The following PSD2 variants were observed in gnomAD, a reference collection of about 807,000 sequenced individuals.
The protein encoded by PSD2 is PH and SEC7 domain-containing protein 2.
PSD2 carries 38 observed loss-of-function variants against 69.8 expected under a neutral mutation model. The observed-to-expected ratio is 0.54, with a 90% CI of 0.42 to 0.71. The LOEUF (loss-of-function observed/expected upper bound fraction) is 0.71, where lower values mean the gene tolerates loss of function less well. Ranked by LOEUF, PSD2 falls within the 30% of genes least tolerant of loss-of-function variation. The pLI is 0.00. For synonymous variants in PSD2, 412 were observed against 423.0 expected (o/e 0.97, Z 0.32); for missense variants, 943 against 1,014.5 (o/e 0.93, Z 0.96).
At chr5:139,794,079 G>A (rs1056877068), upstream of PSD2, among the ~76,000 whole-genome samples, 1 of 152,210 alleles carries the variant, frequency 6.6e-6, no homozygotes. Context: ...AGCTCCCTCT[G>A]TGCCCTTTAA....
rs1156694019 is a variant in PSD2, at chr5:139,809,827, G to T, written c.371+16G>T. 6.2e-7 allele frequency: 1 copy of T among 1,612,908 alleles called. No homozygotes were observed. The highest frequency in any genetic ancestry group is 1.7e-5 in the Admixed American group (1 of 59,814). On this transcript the variant is annotated intron_variant, in intron 2 of 14. Transcript: ENST00000274710. The stretch of plus-strand genomic sequence containing the variant: ...CTCAGCTGGGGTGAGTGGATGTCTT[G>T]GGATGGGAGCTCACCACATTTGGCT...
At chr5:139,819,158 G>A (rs1221092657) in intron 5 of PSD2, among the ~76,000 whole-genome samples, 2 of 152,224 alleles carry the variant, frequency 1.3e-5, no homozygotes, top group African/African-American at 2.4e-5. Context: ...AGATTATTCT[G>A]TGTTCCTCCA....
At chr5:139,822,661 TCAGGAGA>T in intron 6 of PSD2, 58 bp from the exon 7 acceptor site, 4 of 1,460,722 alleles carry the variant, frequency 2.7e-6, no homozygotes, top group Non-Finnish European at 3.7e-6. Flanking sequence ...ACGGGTTCCG[TCAGGAGA>T]CAGGGAGTGG....
the PSD2 span, among the ~76,000 whole-genome samples, chr5:139,761,363 T>C: frequency 2.6e-5 from 4 of 152,206 alleles, no homozygotes; most frequent in Admixed American, 6.5e-5. Context: ...CCAGAAATCA[T>C]TTCATCAGTG....
At chr5:139,833,887 C>T (rs1581737054) in intron 8 of PSD2, 96 bp downstream of exon 8, 7 of 932,886 alleles carry the variant, frequency 7.5e-6, no homozygotes, top group Admixed American at 3.4e-5. Context: ...CATTCCAGGC[C>T]GTTAACACAG....
At chr5:139,817,641 C>A in intron 5 of PSD2, 80 bp downstream of exon 5, 1 of 1,244,362 alleles carries the variant, frequency 8.0e-7, no homozygotes, top group Non-Finnish European at 1.2e-6. Flanking sequence ...CTACCATAAA[C>A]TTGCTGTACA....
At chr5:139,770,186 T>C in the PSD2 span, among the ~76,000 whole-genome samples, 1 of 152,190 alleles carries the variant, frequency 6.6e-6, no homozygotes, top group Non-Finnish European at 1.5e-5. Flanking sequence ...AGAGGAACGC[T>C]GACAGCCCTG....
the PSD2 span, among the ~76,000 whole-genome samples, chr5:139,748,582 G>T: frequency 1.3e-5 from 2 of 152,220 alleles, no homozygotes; most frequent in Admixed American, 1.3e-4. Context: ...GCGAACTCAT[G>T]TGCACACTCA....
At chr5:139,833,181 G>A (rs1760633922) in intron 7 of PSD2, among the ~76,000 whole-genome samples, 1 of 152,114 alleles carries the variant, frequency 6.6e-6, no homozygotes, top group African/African-American at 2.4e-5. Context: ...AAGTCCTGGT[G>A]TTGAGTGACT....
At chr5:139,755,284 G>C in the PSD2 span, among the ~76,000 whole-genome samples, 28 of 152,202 alleles carry the variant, frequency 1.8e-4, no homozygotes, top group African/African-American at 6.5e-4. Context: ...ACTTGAACAT[G>C]TGTGAGTGTG....
At chr5:139,840,667 C>T (rs774334090) in intron 14 of PSD2, among the ~76,000 whole-genome samples, 8 of 151,782 alleles carry the variant, frequency 5.3e-5, no homozygotes, top group Admixed American at 1.3e-4. Context: ...TCTCCTGCCT[C>T]AGCCTCCCGA....
At chr5:139,806,834 C>G (rs1759820802) in intron 1 of PSD2, among the ~76,000 whole-genome samples, 1 of 152,214 alleles carries the variant, frequency 6.6e-6, no homozygotes, top group South Asian at 2.1e-4. Flanking sequence ...CTGGGCTCAG[C>G]TGGTCTGCAG....
chr5:139,788,174 C>A, the PSD2 span, among the ~76,000 whole-genome samples: 6 of 114,378 alleles, frequency 5.2e-5, no homozygotes, highest in East Asian at 8.2e-4. Context: ...GCCCGCCCCC[C>A]CCGCGCCCCC....
the PSD2 span, among the ~76,000 whole-genome samples, chr5:139,759,734 A>G: frequency 1.3e-5 from 2 of 152,176 alleles, no homozygotes; most frequent in African/African-American, 4.8e-5. Flanking sequence ...AATCACTCCA[A>G]TTCTTCCGTT....
chr5:139,772,072 G>A, the PSD2 span, among the ~76,000 whole-genome samples: 18 of 152,278 alleles, frequency 1.2e-4, no homozygotes, highest in Middle Eastern at 3.4e-3. Context: ...AAAGCCCTTG[G>A]CAGGGATCAG....
intron 7 of PSD2, among the ~76,000 whole-genome samples, chr5:139,827,685 A>G (rs1383847577): frequency 6.6e-6 from 1 of 152,250 alleles, no homozygotes; most frequent in Non-Finnish European, 1.5e-5. Context: ...CAGGAAACTT[A>G]CAATCATGGC....
Position 139,839,994 on chromosome 5 carries a change from T to C in PSD2, c.1969-33T>C. ...GAGCCACTCCGTGACATCCTGAGAG[T>C]AAGGCCTCACAGTCCAGGATTTGTC... is the stretch of plus-strand genomic sequence containing the variant. On this transcript the variant is annotated intron_variant, in intron 13 of 14. Coordinates refer to ENST00000274710, the MANE Select transcript of PSD2 (RefSeq NM_032289.4). This position sits in a 1 kb window ranked among gnomAD's most constrained non-coding sequence, Gnocchi z 5.1. The C allele has an allele frequency of 6.2e-7, 1 of 1,612,582 alleles. No individual in the cohort carries two copies. Among genetic ancestry groups the C allele is most frequent in the Non-Finnish European group, 8.5e-7 (1 of 1,178,946 alleles).
the PSD2 span, among the ~76,000 whole-genome samples, chr5:139,764,263 C>T: frequency 1.3e-5 from 2 of 152,338 alleles, no homozygotes; most frequent in East Asian, 3.9e-4. Flanking sequence ...GCCGCCACAA[C>T]CGCAGTGGCC....
chr5:139,795,956 C>T lies in PSD2; in HGVS notation c.-70C>T, dbSNP rs1759512657. On this transcript the variant is annotated 5_prime_UTR_variant, in exon 1 of 15. Transcript: ENST00000274710. The surrounding 1 kb of genome is among the most constrained non-coding windows in gnomAD (Gnocchi z 4.5). ...TGGCCCCGCCGTGAGAGGCCGGACCCGCGGCGGGGACCAGCAGCGGTGAGT... is the reference window on the plus strand; with the variant it reads ...TGGCCCCGCCGTGAGAGGCCGGACCTGCGGCGGGGACCAGCAGCGGTGAGT... The T allele has an allele frequency of 1.3e-5, 2 of 150,882 alleles. No homozygotes were observed. Among genetic ancestry groups the T allele is most frequent in the Non-Finnish European group, 3.0e-5 (2 of 67,612 alleles). 9.3% of individuals were successfully genotyped at this position (150,882 alleles called of 1,614,324 possible).
Sources: allele counts gnomAD v4.1 joint callset (sites outside exome capture counted in the v4.1 genomes callset), GRCh38; gene constraint gnomAD v4.1.1; non-coding constraint Gnocchi (gnomAD v3.1); transcripts MANE v1.5; gene names NCBI Gene and HGNC (gene_info 2026-07-23, HGNC 2026-07-21).